The following MPP7 variants were observed in gnomAD, a reference collection of about 807,000 sequenced individuals.
The protein encoded by MPP7 is MAGUK p55 scaffold protein 7.
Under a neutral mutation model 76.5 loss-of-function variants are expected in MPP7, and 60 were observed. The ratio of observed to expected loss-of-function variants is 0.78; its 90% CI spans 0.64 to 0.97. The LOEUF is 0.97. MPP7 is among the 50% of genes least tolerant of loss of function. The pLI is 0.00. For missense variants in MPP7, 641 were observed against 694.0 expected (o/e 0.92, Z 0.86); for synonymous variants, 237 against 244.5 (o/e 0.97, Z 0.29).
intron 1 of MPP7, among the ~76,000 whole-genome samples, chr10:28,294,587 A>G (rs1159996767): frequency 2.0e-5 from 3 of 152,176 alleles, no homozygotes; most frequent in East Asian, 3.9e-4. Context: ...AGGATCCACA[A>G]ACTTTTCCTT....
At chr10:28,164,114 G>A (rs1457244706) in intron 3 of MPP7, among the ~76,000 whole-genome samples, 1 of 152,060 alleles carries the variant, frequency 6.6e-6, no homozygotes, top group African/African-American at 2.4e-5. Context: ...AAGAAAGATC[G>A]AGACCGAAGA....
At chr10:28,146,914 T>G (rs983754943) in intron 5 of MPP7, among the ~76,000 whole-genome samples, 9 of 152,150 alleles carry the variant, frequency 5.9e-5, no homozygotes, top group African/African-American at 2.2e-4. Flanking sequence ...TGATCACATT[T>G]GGAGGAAAAA....
At chr10:28,079,538 A>G (rs1055960946) in intron 12 of MPP7, among the ~76,000 whole-genome samples, 4 of 152,140 alleles carry the variant, frequency 2.6e-5, no homozygotes, top group Non-Finnish European at 5.9e-5. Flanking sequence ...ATGAGTAGAA[A>G]AAGATTTCAG....
At chr10:28,207,668 G>A (rs1177697450) in intron 2 of MPP7, among the ~76,000 whole-genome samples, 1 of 151,598 alleles carries the variant, frequency 6.6e-6, no homozygotes, top group Admixed American at 6.6e-5. Flanking sequence ...CTCCAGCCTG[G>A]GCATCAGAGT....
upstream of MPP7, among the ~76,000 whole-genome samples, chr10:28,306,607 C>T (rs909080333): frequency 6.6e-6 from 1 of 151,682 alleles, no homozygotes; most frequent in African/African-American, 2.4e-5. Context: ...GAGATTTTGC[C>T]ACTGCGTTCC....
chr10:28,104,061 A>G lies in MPP7; in HGVS notation c.953-14220T>C, dbSNP rs139571296. Among the ~76,000 whole-genome samples the G allele has an allele frequency of 5.7e-3, 870 of 152,340 alleles. 6 individuals carry two copies. Among genetic ancestry groups the G allele is most frequent in the African/African-American group, 0.019 (803 of 41,578 alleles). ...AAACATATAATTTTAAATTATTTTA[A>G]GTAATTTTGGTATGAGGAATACAAA... On this transcript the variant is annotated intron_variant, in intron 11 of 16. Transcript: ENST00000683449.
upstream of MPP7, among the ~76,000 whole-genome samples, chr10:28,304,467 C>T (rs1393335676): frequency 2.0e-5 from 3 of 152,136 alleles, no homozygotes; most frequent in Non-Finnish European, 4.4e-5. Flanking sequence ...GGCAAAACAC[C>T]TGATAGAAAG....
intron 1 of MPP7, among the ~76,000 whole-genome samples, chr10:28,258,109 G>A (rs1839843083): frequency 6.6e-6 from 1 of 151,532 alleles, no homozygotes; most frequent in Non-Finnish European, 1.5e-5. Context: ...TCTAAGGTAG[G>A]TTACACCTCC....
At chr10:28,217,537 A>AAAAAAAG (rs1554852920) in intron 2 of MPP7, among the ~76,000 whole-genome samples, 15 of 138,192 alleles carry the variant, frequency 1.1e-4, no homozygotes, top group East Asian at 2.2e-4. Flanking sequence ...AAAAAAAAAA[A>AAAAAAAG]AAAAGAAAAG....
chr10:28,252,748 T>C (rs1839654907), intron 1 of MPP7, among the ~76,000 whole-genome samples: 1 of 152,178 alleles, frequency 6.6e-6, no homozygotes, highest in Admixed American at 6.5e-5. Flanking sequence ...TTAGAACTGT[T>C]TGAAATTTGA....
intron 2 of MPP7, among the ~76,000 whole-genome samples, chr10:28,318,593 G>A (rs768608923): frequency 5.3e-5 from 8 of 152,200 alleles, no homozygotes; most frequent in Non-Finnish European, 8.8e-5. Flanking sequence ...GCTGAGGCAG[G>A]AGAATCACTT....
At chr10:28,307,239 T>A (rs1321781398), upstream of MPP7, among the ~76,000 whole-genome samples, 1 of 152,206 alleles carries the variant, frequency 6.6e-6, no homozygotes, top group Admixed American at 6.5e-5. Flanking sequence ...GGCCGAAGGC[T>A]TGGATGGTAA....
At position 28,270,695 on chromosome 10, in the gene MPP7, A is replaced by C. The variant is rs116490411; in HGVS notation, c.-131-31960T>G. Among the ~76,000 whole-genome samples the C allele has an allele frequency of 2.8e-3, 422 of 152,244 alleles. 2 individuals carry two copies. The highest frequency in any genetic ancestry group is 9.9e-3 in the African/African-American group (410 of 41,556). On this transcript the variant is annotated intron_variant, in intron 1 of 16. Transcript: ENST00000683449. ...ACATGCAGTAGGAAATGGAAGCAAAATATTTATCATTAAAAATGCATGAAA... is the reference window on the plus strand; with the variant it reads ...ACATGCAGTAGGAAATGGAAGCAAACTATTTATCATTAAAAATGCATGAAA...
chr10:28,253,109 T>C (rs1588985320), intron 1 of MPP7, among the ~76,000 whole-genome samples: 1 of 152,188 alleles, frequency 6.6e-6, no homozygotes, highest in Admixed American at 6.5e-5. Context: ...GTTTTCACCA[T>C]GTTGGACAGG....
intron 5 of MPP7, among the ~76,000 whole-genome samples, chr10:28,134,449 T>C (rs1403582117): frequency 6.6e-6 from 1 of 152,206 alleles, no homozygotes; most frequent in Non-Finnish European, 1.5e-5. Context: ...TTCTCCCTTT[T>C]GGTAACTTGC....
chr10:28,110,270 A>G (rs1440919774), intron 11 of MPP7, among the ~76,000 whole-genome samples: 2 of 152,066 alleles, frequency 1.3e-5, no homozygotes, highest in African/African-American at 2.4e-5. Flanking sequence ...TTGTACTTTT[A>G]GTAGAGACAA....
chr10:28,183,256 G>T lies in MPP7; in HGVS notation c.156+18897C>A, dbSNP rs148918100. On this transcript the variant is annotated intron_variant, in intron 3 of 16. Transcript: ENST00000683449. ...AGAATGGGAACAGGAGGGATGTTCA[G>T]ACTTCAACTGGATCTACAATATTTT... Among the ~76,000 whole-genome samples, 902 of 152,284 alleles carry T rather than the reference G, an allele frequency of 5.9e-3. 3 individuals are homozygous for T. The highest frequency in any genetic ancestry group is 0.011 in the Admixed American group (168 of 15,294).
At chr10:28,296,845 T>G (rs914646375) in intron 1 of MPP7, among the ~76,000 whole-genome samples, 1 of 152,208 alleles carries the variant, frequency 6.6e-6, no homozygotes, top group Admixed American at 6.5e-5. Flanking sequence ...AAATAATCTT[T>G]CCACACATAT....
At chr10:28,223,328 C>A (rs1588947619) in intron 2 of MPP7, among the ~76,000 whole-genome samples, 1 of 152,252 alleles carries the variant, frequency 6.6e-6, no homozygotes, top group Non-Finnish European at 1.5e-5. Context: ...GTGCAAGAGA[C>A]CAGATTAATT....
Sources: gnomAD v4.1 joint callset for allele counts (sites outside exome capture counted in the v4.1 genomes callset) on GRCh38, gnomAD v4.1.1 for gene constraint, MANE v1.5 for transcripts, NCBI Gene and HGNC (gene_info 2026-07-23, HGNC 2026-07-21) for gene names.